Variants in LRRC69 observed in about 807,000 individuals in gnomAD.
LRRC69 encodes leucine rich repeat containing 69.
LRRC69 carries 42 observed loss-of-function variants against 37.8 expected under a neutral mutation model. The ratio of observed to expected loss-of-function variants is 1.11; its 90% CI spans 0.87 to 1.44. The LOEUF is 1.44. LRRC69 is among the 40% of genes most tolerant of loss of function. The pLI is 0.00. For missense variants in LRRC69, 357 were observed against 401.9 expected (o/e 0.89, Z 0.96); for synonymous variants, 141 against 143.1 (o/e 0.99, Z 0.11).
chr8:91,142,214 A>G (rs1808543976), intron 5 of LRRC69, among the ~76,000 whole-genome samples: 1 of 152,038 alleles, frequency 6.6e-6, no homozygotes, highest in Non-Finnish European at 1.5e-5. Context: ...ACCAGGGAGC[A>G]TCATGAGTTT....
intron 5 of LRRC69, among the ~76,000 whole-genome samples, chr8:91,162,495 A>G (rs1371659513): frequency 6.6e-6 from 1 of 151,418 alleles, no homozygotes; most frequent in Non-Finnish European, 1.5e-5. Flanking sequence ...TCCCTTTATC[A>G]TTATATAATG....
intron 5 of LRRC69, among the ~76,000 whole-genome samples, chr8:91,156,383 G>C (rs554710035): frequency 6.6e-6 from 1 of 150,912 alleles, no homozygotes; most frequent in Non-Finnish European, 1.5e-5. Context: ...TTTGAGAAAT[G>C]TCTATTCAGA....
chr8:91,152,190 A>T (rs559460655), intron 5 of LRRC69, among the ~76,000 whole-genome samples: 1 of 151,246 alleles, frequency 6.6e-6, no homozygotes, highest in African/African-American at 2.4e-5. Flanking sequence ...TGGTGATTTC[A>T]TCATAATATC....
chr8:91,194,538 C>A (rs1434716413), intron 6 of LRRC69, among the ~76,000 whole-genome samples: 1 of 151,614 alleles, frequency 6.6e-6, no homozygotes, highest in Non-Finnish European at 1.5e-5. Context: ...TGTTATTGGT[C>A]TATTCAGAGA....
chr8:91,173,169 G>A (rs975051301), intron 5 of LRRC69, among the ~76,000 whole-genome samples: 2 of 151,922 alleles, frequency 1.3e-5, no homozygotes, highest in Non-Finnish European at 2.9e-5. Context: ...GTGGCTATGG[G>A]GTAGAGTAGG....
intron 1 of LRRC69, among the ~76,000 whole-genome samples, chr8:91,105,266 A>G (rs929203609): frequency 6.6e-6 from 1 of 151,872 alleles, no homozygotes; most frequent in African/African-American, 2.4e-5. Context: ...AAAAAACACA[A>G]TTTTCCCTAT....
chr8:91,106,364 C>T (rs1303243076), intron 1 of LRRC69, among the ~76,000 whole-genome samples: 1 of 151,854 alleles, frequency 6.6e-6, no homozygotes, highest in Non-Finnish European at 1.5e-5. Flanking sequence ...GTCATATTTC[C>T]CACAGAATGC....
chr8:91,197,506 G>C (rs1172277478), intron 6 of LRRC69, among the ~76,000 whole-genome samples: 2 of 151,964 alleles, frequency 1.3e-5, no homozygotes, highest in Non-Finnish European at 2.9e-5. Flanking sequence ...CTCCGTGGGC[G>C]TAGGACCCTC....
At chr8:91,185,101 G>A (rs539763172) in intron 5 of LRRC69, among the ~76,000 whole-genome samples, 1 of 152,314 alleles carries the variant, frequency 6.6e-6, no homozygotes, top group East Asian at 1.9e-4. Context: ...TTCTCAGGTA[G>A]TTCAAGGGCA....
intron 5 of LRRC69, among the ~76,000 whole-genome samples, chr8:91,146,026 T>TA: frequency 6.6e-6 from 1 of 151,958 alleles, no homozygotes; most frequent in South Asian, 2.1e-4. Context: ...TTAGTTAACT[T>TA]ACATAATTTG....
intron 7 of LRRC69, among the ~76,000 whole-genome samples, chr8:91,216,043 T>A (rs1282765310): frequency 6.6e-6 from 1 of 152,188 alleles, no homozygotes; most frequent in Non-Finnish European, 1.5e-5. Flanking sequence ...TGAGTTGTTT[T>A]TCTAAGTTAA....
At chr8:91,111,452 T>C (rs889246758) in intron 1 of LRRC69, among the ~76,000 whole-genome samples, 1 of 152,010 alleles carries the variant, frequency 6.6e-6, no homozygotes, top group African/African-American at 2.4e-5. Flanking sequence ...GAGAATCGCT[T>C]GAACTCAGAG....
At chr8:91,127,192 A>G (rs1303628252) in intron 3 of LRRC69, 32 bp downstream of exon 3, 1 of 1,489,324 alleles carries the variant, frequency 6.7e-7, no homozygotes, top group East Asian at 2.5e-5. Flanking sequence ...CTTGGTTAAC[A>G]ATCGTGCCCC....
intron 5 of LRRC69, among the ~76,000 whole-genome samples, chr8:91,166,502 A>C (rs1446042877): frequency 4.0e-5 from 6 of 150,770 alleles, no homozygotes; most frequent in Non-Finnish European, 7.4e-5. Flanking sequence ...GAAAAAAAAA[A>C]AAAAAAAAAA....
In LRRC69 at chr8:91,212,070, T is replaced by A. The variant is rs369449717; in HGVS notation, c.934-6820T>A. ...TTTTCTAAATGCTATAGTTCTGCCA[T>A]CAAAGTTGAATTAGTCCTTAGCAAT... On this transcript the variant is annotated intron_variant, in intron 7 of 7. Coordinates refer to ENST00000448384, the Ensembl canonical transcript of LRRC69. 7.2e-4 allele frequency among the ~76,000 whole-genome samples: 110 copies of A among 152,240 alleles called. 4 individuals are homozygous for A. In the South Asian group the frequency reaches 0.022, roughly 31 times the overall value.
chr8:91,150,252 A>G (rs562780247), intron 5 of LRRC69, among the ~76,000 whole-genome samples: 7 of 152,114 alleles, frequency 4.6e-5, no homozygotes, highest in Admixed American at 1.3e-4. Context: ...ATTTTGAGAT[A>G]CATCCCATCA....
At position 91,204,404 on chromosome 8, in the gene LRRC69, G is replaced by A. The variant is rs1247409362; in HGVS notation, c.933+3612G>A. On this transcript the variant is annotated intron_variant, in intron 7 of 7. Transcript: ENST00000448384. ...AAAAAGAAAAGGAGGTGTTGGTGAA[G>A]GAGTAAATCCACTGTGGAGCACTGG... Among the ~76,000 whole-genome samples, 3 of 152,226 alleles carry A rather than the reference G, an allele frequency of 2.0e-5. No individual in the cohort carries two copies. The East Asian group carries it at 5.8e-4, about 29-fold the overall frequency.
chr8:91,208,933 C>A (rs1311398683), intron 7 of LRRC69, among the ~76,000 whole-genome samples: 1 of 152,116 alleles, frequency 6.6e-6, no homozygotes, highest in Non-Finnish European at 1.5e-5. Flanking sequence ...CTCTTTCAAC[C>A]ACTTCTACAC....
At chr8:91,157,958 G>A (rs1416462892) in intron 5 of LRRC69, 22 of 1,428,576 alleles carry the variant, frequency 1.5e-5, no homozygotes, top group Non-Finnish European at 2.0e-5. Context: ...CCGTATTCCA[G>A]TGGAGAGAAA....
Sources: gnomAD v4.1 joint callset for allele counts (sites outside exome capture counted in the v4.1 genomes callset) on GRCh38, gnomAD v4.1.1 for gene constraint, MANE v1.5 for transcripts, NCBI Gene and HGNC (gene_info 2026-07-23, HGNC 2026-07-21) for gene names.